The following MED16 variants were observed in gnomAD, a reference collection of about 807,000 sequenced individuals.
MED16 encodes mediator of RNA polymerase II transcription subunit 16.
In MED16, 81 loss-of-function variants were observed where a neutral mutation model predicts 84.4. The observed-to-expected ratio is 0.96, with a 90% CI of 0.80 to 1.15. The LOEUF is 1.15. Among genes scored for constraint, MED16 ranks in the 50% most tolerant of loss-of-function variants. The probability of loss-of-function intolerance (pLI) is 0.00; values close to 1 mark genes in which losing one functional copy is unlikely to be tolerated. For synonymous variants in MED16, 897 were observed against 552.2 expected (o/e 1.62, Z -8.76); for missense variants, 1,585 against 1,245.9 (o/e 1.27, Z -4.10).
chr19:868,836 G>C, intron 14 of MED16, 27 bp downstream of exon 14: 1 of 1,542,334 alleles, frequency 6.5e-7, no homozygotes, highest in Non-Finnish European at 8.7e-7. Flanking sequence ...ACATCTCTGG[G>C]AGTCAGCGGT....
chr19:881,522 C>T (rs372756465), intron 7 of MED16, 37 bp downstream of exon 7: 2 of 1,588,476 alleles, frequency 1.3e-6, no homozygotes, highest in South Asian at 2.2e-5. Flanking sequence ...CTGGTGTGAA[C>T]TGAGGCCCCG....
In MED16 at chr19:873,601, C is replaced by A; in HGVS notation, c.1772-19G>T. On this transcript the variant is annotated intron_variant, in intron 10 of 15. Transcript: ENST00000325464. Reference sequence around the variant, plus strand: ...TCAATGTCTACAAGGAGACGTGGGTCGGGTCAGCTCGGGCCTCTTGTACAC... The same window carrying A: ...TCAATGTCTACAAGGAGACGTGGGTAGGGTCAGCTCGGGCCTCTTGTACAC... 6.2e-7 allele frequency: 1 copy of A among 1,611,116 alleles called. No individual in the cohort carries two copies. The highest frequency in any genetic ancestry group is 8.5e-7 in the Non-Finnish European group (1 of 1,179,430).
chr19:877,289 C>G (rs1472530802), intron 8 of MED16, 109 bp from the exon 9 acceptor site: 9 of 1,042,410 alleles, frequency 8.6e-6, no homozygotes, highest in Non-Finnish European at 9.6e-6. Flanking sequence ...TGTGTGCGCG[C>G]ACGCCCGTGT....
chr19:870,619 TG>T (rs991857129), intron 13 of MED16, among the ~76,000 whole-genome samples: 5 of 147,098 alleles, frequency 3.4e-5, no homozygotes, highest in African/African-American at 1.2e-4. Context: ...GTGCCCGTGT[TG>T]GGGGTGGTTC....
chr19:876,008 A>T (rs1465314402), intron 9 of MED16, among the ~76,000 whole-genome samples: 1 of 152,232 alleles, frequency 6.6e-6, no homozygotes, highest in Non-Finnish European at 1.5e-5. Context: ...CGGCCCAAGG[A>T]GGGAGAGGGC....
At chr19:883,941 T>A (rs1394205598) in intron 6 of MED16, among the ~76,000 whole-genome samples, 3 of 152,094 alleles carry the variant, frequency 2.0e-5, no homozygotes, top group Non-Finnish European at 4.4e-5. Flanking sequence ...GGTGACTCAC[T>A]ACAAGCCCTG....
At chr19:881,453 C>T (rs1362675005) in intron 7 of MED16, 106 bp downstream of exon 7, 1 of 1,333,538 alleles carries the variant, frequency 7.5e-7, no homozygotes, top group Non-Finnish European at 1.0e-6. Context: ...TGCTCAGAGC[C>T]CACGTCCTCT....
chr19:878,795 C>G (rs2036334958), intron 8 of MED16, among the ~76,000 whole-genome samples: 1 of 147,936 alleles, frequency 6.8e-6, no homozygotes. Context: ...GCCCACCAGC[C>G]CCAGCCCCAC....
rs961201521 is a variant in MED16 at position 889,689 on chromosome 19, C to T, written c.396G>A (p.Val132=). Residue 132 remains valine (V), a synonymous_variant, in exon 4 of 16, where the codon GTG becomes GTA. Coordinates refer to ENST00000325464, the MANE Select transcript of MED16 (RefSeq NM_005481.3). ...VGSLVEGDPI[V]ALSWLHNGVK... is the part of the protein sequence containing the mutation. ...CACCATTGTGCAGCCAGGACAGGGC[C>T]ACAATGGGGTCCCCCTCCACTAGGC... The T allele has an allele frequency of 6.2e-6, 10 of 1,613,918 alleles. No homozygotes were observed. The highest frequency in any genetic ancestry group is 3.3e-5 in the Admixed American group (2 of 60,004).
At chr19:882,836 A>G (rs1042907600) in intron 6 of MED16, among the ~76,000 whole-genome samples, 3 of 152,170 alleles carry the variant, frequency 2.0e-5, no homozygotes, top group African/African-American at 7.2e-5. Flanking sequence ...TCTGCCCCGG[A>G]CGGGCCATCA....
intron 13 of MED16, among the ~76,000 whole-genome samples, chr19:869,643 G>A (rs185494944): frequency 1.4e-4 from 21 of 152,284 alleles, no homozygotes; most frequent in East Asian, 1.4e-3. Flanking sequence ...GCGCCTTCCC[G>A]GAGGTCCCGG....
rs1324693385 is a variant in MED16, at chr19:892,880, G to GCGCCC, written c.-19+205_-19+206insGGGCG. 8.3e-5 allele frequency: 5 copies of GCGCCC among 60,446 alleles called. No individual in the cohort carries two copies. The East Asian group carries it at 1.2e-3, about 15-fold the overall frequency. The allele number at this position is 60,446 out of a possible 1,614,324, so 3.7% of individuals were successfully genotyped here. A position where few individuals can be genotyped will look rare whatever the true frequency, so the allele number is the denominator to read the frequency against. ...GTTTCCGCCGCAAACCCTGAGCCCCGAGCCCCGCGCCCCGCGCCCCGCGCC... is the reference window on the plus strand; with the variant it reads ...GTTTCCGCCGCAAACCCTGAGCCCCGCGCCCAGCCCCGCGCCCCGCGCCCCGCGCC... On this transcript the variant is annotated intron_variant, in intron 1 of 15. Transcript: ENST00000325464.
In MED16 at chr19:873,598, G is replaced by A. The variant is rs1201215232; in HGVS notation, c.1772-16C>T. 1.9e-6 allele frequency: 3 copies of A among 1,611,508 alleles called. No homozygotes were observed. Among genetic ancestry groups the A allele is most frequent in the Admixed American group, 1.7e-5 (1 of 59,970 alleles). On this transcript the variant is annotated splice_polypyrimidine_tract_variant and intron_variant, in intron 10 of 15. Transcript: ENST00000325464. ...TTGTCAATGTCTACAAGGAGACGTG[G>A]GTCGGGTCAGCTCGGGCCTCTTGTA...
At chr19:879,620 GC>G (rs2036365595) in intron 8 of MED16, among the ~76,000 whole-genome samples, 1 of 11,688 alleles carries the variant, frequency 8.6e-5, no homozygotes, top group African/African-American at 4.4e-4. Context: ...TGCCCCCCAA[GC>G]CCAGCCCCAC....
Position 877,286 on chromosome 19 carries a change from G to A in MED16, c.1354-106C>T, listed in dbSNP as rs987412843. 7.7e-5 allele frequency: 81 copies of A among 1,045,712 alleles called. 1 individual carries two copies. Among genetic ancestry groups the A allele is most frequent in the South Asian group, 7.0e-4 (48 of 68,324 alleles). The allele number at this position is 1,045,712 out of a possible 1,614,324, so 64.8% of individuals were successfully genotyped here. On this transcript the variant is annotated intron_variant, in intron 8 of 15. Transcript: ENST00000325464. ...GCGGCACGTGTGTGGATCTGTGTGC[G>A]CGCACGCCCGTGTGTGGGCCTGTGT...
rs373507537 is a variant in MED16 at position 880,997 on chromosome 19, G to A, written c.1141+562C>T. ...ACCAAGGGTTTTGGAGCAGGGAACTGCATCCCCTCAACCTCTCTGCAGGCT... is the reference window on the plus strand; with the variant it reads ...ACCAAGGGTTTTGGAGCAGGGAACTACATCCCCTCAACCTCTCTGCAGGCT... On this transcript the variant is annotated intron_variant, in intron 7 of 15. Coordinates refer to ENST00000325464, the MANE Select transcript of MED16 (RefSeq NM_005481.3). Among the ~76,000 whole-genome samples, 5 of 152,252 alleles carry A rather than the reference G, an allele frequency of 3.3e-5. No individual in the cohort carries two copies. The Middle Eastern group carries it at 0.01, about 313-fold the overall frequency.
intron 14 of MED16, 135 bp downstream of exon 14, chr19:868,728 T>G: frequency 2.7e-6 from 3 of 1,108,072 alleles, no homozygotes; most frequent in South Asian, 1.5e-5. Flanking sequence ...CCTGGGATCC[T>G]GGCTCCAACA....
chr19:877,589 G>C (rs1051340054), intron 8 of MED16, among the ~76,000 whole-genome samples: 18 of 152,236 alleles, frequency 1.2e-4, no homozygotes, highest in Non-Finnish European at 2.2e-4. Context: ...GGGCTGGCGA[G>C]GGGCTTGCAC....
chr19:880,979 G>A (rs1261827440), intron 7 of MED16, among the ~76,000 whole-genome samples: 6 of 152,224 alleles, frequency 3.9e-5, no homozygotes, highest in Admixed American at 2.6e-4. Flanking sequence ...TAAACCAAGG[G>A]TTTTGGAGCA....
Sources: gnomAD v4.1 joint callset for allele counts (sites outside exome capture counted in the v4.1 genomes callset) on GRCh38, gnomAD v4.1.1 for gene constraint, MANE v1.5 for transcripts, NCBI Gene and HGNC (gene_info 2026-07-23, HGNC 2026-07-21) for gene names.